RUBCN: variants seen among roughly 807,000 people sequenced by gnomAD.
The protein encoded by RUBCN is run domain Beclin-1-interacting and cysteine-rich domain-containing protein.
In RUBCN, 74 loss-of-function variants were observed where a neutral mutation model predicts 113.2. That is an observed-to-expected ratio of 0.65 (90% CI 0.54 to 0.79). The LOEUF is 0.79. Ranked by LOEUF, RUBCN falls within the 30% of genes least tolerant of loss-of-function variation. The probability of loss-of-function intolerance (pLI) is 0.00; values close to 1 mark genes in which losing one functional copy is unlikely to be tolerated. For missense variants in RUBCN, 1,109 were observed against 1,251.7 expected (o/e 0.89, Z 1.72); for synonymous variants, 480 against 490.0 (o/e 0.98, Z 0.27).
chr3:197,731,754 C>A (rs1324126750), intron 1 of RUBCN, among the ~76,000 whole-genome samples: 1 of 147,874 alleles, frequency 6.8e-6, no homozygotes, highest in African/African-American at 2.5e-5. Context: ...GGGGGGCTGA[C>A]CCCCCCACCT....
At chr3:197,708,317 G>T (rs916008038) in intron 2 of RUBCN, among the ~76,000 whole-genome samples, 16 of 151,896 alleles carry the variant, frequency 1.1e-4, no homozygotes, top group Non-Finnish European at 1.9e-4. Flanking sequence ...TGTATTTTTA[G>T]TAGAGATGGG....
exon 1 of RUBCN, chr3:197,749,434 G>A (rs866323913): frequency 8.1e-7 from 1 of 1,232,192 alleles, no homozygotes; most frequent in Non-Finnish European, 1.0e-6. Flanking sequence ...GTTCAGATGC[G>A]GCAGCTCAGC....
intron 2 of RUBCN, 47 bp from the exon 3 acceptor site, chr3:197,705,222 C>T (rs1238584405): frequency 1.3e-6 from 2 of 1,530,134 alleles, no homozygotes; most frequent in Admixed American, 1.7e-5. Context: ...CATTCTGGAC[C>T]AGATCTAGTT....
chr3:197,701,463 G>A (rs1037021090), intron 6 of RUBCN, among the ~76,000 whole-genome samples: 8 of 152,178 alleles, frequency 5.3e-5, no homozygotes, highest in Non-Finnish European at 1.0e-4. Context: ...AGCTAGTATT[G>A]AAATGCCTTC....
Position 197,681,478 on chromosome 3 carries a change from A to G in RUBCN, c.2192-111T>C, listed in dbSNP as rs1560407379. 1.2e-6 allele frequency: 1 copy of G among 802,688 alleles called. No individual in the cohort carries two copies. Among genetic ancestry groups the G allele is most frequent in the Admixed American group, 1.9e-5 (1 of 51,288 alleles). 49.7% of individuals were successfully genotyped at this position (802,688 alleles called of 1,614,324 possible). ...CAGAGAGGGACAGCCAATGGCCTCCAGCAACCTCTGTCTGAGTTCCCCAAA... is the reference window on the plus strand; with the variant it reads ...CAGAGAGGGACAGCCAATGGCCTCCGGCAACCTCTGTCTGAGTTCCCCAAA... On this transcript the variant is annotated intron_variant, in intron 15 of 19. Transcript: ENST00000296343. This position sits in a 1 kb window ranked among gnomAD's most constrained non-coding sequence, Gnocchi z 5.5.
chr3:197,692,523 A>G (rs1186525649), intron 11 of RUBCN, among the ~76,000 whole-genome samples: 3 of 151,680 alleles, frequency 2.0e-5, no homozygotes, highest in African/African-American at 7.3e-5. Context: ...TGGCATCTGA[A>G]GCGGAATTAA....
chr3:197,733,019 T>G (rs186441388), intron 1 of RUBCN, among the ~76,000 whole-genome samples: 120 of 152,352 alleles, frequency 7.9e-4, no homozygotes, highest in Middle Eastern at 6.8e-3. Flanking sequence ...GCATTATTCT[T>G]CCTACTCAGG....
In RUBCN at chr3:197,696,804, G is replaced by A. The variant is rs377101301; in HGVS notation, c.1357+150C>T. 241 of 621,200 alleles carry A rather than the reference G, an allele frequency of 3.9e-4. 1 individual carries two copies. The highest frequency in any genetic ancestry group is 2.3e-4 in the African/African-American group (11 of 48,246). The allele number at this position is 621,200 out of a possible 1,614,324, so 38.5% of individuals were successfully genotyped here. A position where few individuals can be genotyped will look rare whatever the true frequency, so the allele number is the denominator to read the frequency against. On this transcript the variant is annotated intron_variant, in intron 8 of 19. Coordinates refer to ENST00000296343, the MANE Select transcript of RUBCN (RefSeq NM_014687.4). ...GGCAGAGCAGTGTGATTTCTAGCACGGGGGTTAAAAATGACAAAAGAGTGA... is the reference window on the plus strand; with the variant it reads ...GGCAGAGCAGTGTGATTTCTAGCACAGGGGTTAAAAATGACAAAAGAGTGA...
Position 197,736,705 on chromosome 3 carries a change from G to A in RUBCN, c.15C>T (p.Gly5=), listed in dbSNP as rs778201275. The change falls in exon 1 of 20, where the codon GGC becomes GGT. Residue 5 remains glycine, a synonymous_variant. Coordinates refer to ENST00000296343, the MANE Select transcript of RUBCN (RefSeq NM_014687.4). Reference sequence around the variant, plus strand: ...CGCCGCCTCCGAGCTCCATTCCCGCGCCCTCCGGCCGCATCCGGGGCGGTG... The same window carrying A: ...CGCCGCCTCCGAGCTCCATTCCCGCACCCTCCGGCCGCATCCGGGGCGGTG... MRPE[G]AGMELGGGEE... The A allele has an allele frequency of 3.3e-6, 5 of 1,531,098 alleles. No homozygotes were observed. The South Asian group carries it at 3.6e-5, about 11-fold the overall frequency. The allele number at this position is 1,531,098 out of a possible 1,614,324, so 94.8% of individuals were successfully genotyped here. A position where few individuals can be genotyped will look rare whatever the true frequency, so the allele number is the denominator to read the frequency against.
At chr3:197,746,539 C>T (rs150383805) in intron 1 of RUBCN, among the ~76,000 whole-genome samples, 1 of 152,152 alleles carries the variant, frequency 6.6e-6, no homozygotes, top group Non-Finnish European at 1.5e-5. Flanking sequence ...TTATTTCACA[C>T]AATGAAATGA....
At chr3:197,734,393 G>C (rs1444826166) in intron 1 of RUBCN, among the ~76,000 whole-genome samples, 1 of 149,872 alleles carries the variant, frequency 6.7e-6, no homozygotes, top group Non-Finnish European at 1.5e-5. Flanking sequence ...AACATAGTGA[G>C]ACCCTGTCTA....
At chr3:197,676,079 G>T in intron 18 of RUBCN, 1 of 545,088 alleles carries the variant, frequency 1.8e-6, no homozygotes. Context: ...AGTAGATGAC[G>T]ACAATAACGA....
rs1728190592 is a variant in RUBCN at position 197,736,782 on chromosome 3, C to T, written c.-63G>A. 1.3e-6 allele frequency: 2 copies of T among 1,505,274 alleles called. No individual in the cohort carries two copies. The allele number at this position is 1,505,274 out of a possible 1,614,324, so 93.2% of individuals were successfully genotyped here. A position where few individuals can be genotyped will look rare whatever the true frequency, so the allele number is the denominator to read the frequency against. ...GTCCCTGCCGCTTCGCCCTTCAGGGCTCCCGGGGCCCCCTGGGGCCGGAGG... is the reference window on the plus strand; with the variant it reads ...GTCCCTGCCGCTTCGCCCTTCAGGGTTCCCGGGGCCCCCTGGGGCCGGAGG... On this transcript the variant is annotated 5_prime_UTR_variant, in exon 1 of 20. Coordinates refer to ENST00000296343, the MANE Select transcript of RUBCN (RefSeq NM_014687.4).
In RUBCN at chr3:197,681,728, C is replaced by T; in HGVS notation, c.2191+107G>A. The T allele has an allele frequency of 1.0e-6, 1 of 975,322 alleles. No individual in the cohort carries two copies. The highest frequency in any genetic ancestry group is 1.7e-6 in the Non-Finnish European group (1 of 603,374). 60.4% of individuals were successfully genotyped at this position (975,322 alleles called of 1,614,324 possible). On this transcript the variant is annotated intron_variant, in intron 15 of 19. Transcript: ENST00000296343. The surrounding 1 kb of genome is among the most constrained non-coding windows in gnomAD (Gnocchi z 5.5). The stretch of plus-strand genomic sequence containing the variant: ...AACCTTTCTTTCTCCTTCCCTACTT[C>T]TGCCACGCCACCTCCTGCTACCGCC...
At chr3:197,723,016 CCTTT>C (rs1726340614) in intron 1 of RUBCN, among the ~76,000 whole-genome samples, 1 of 152,028 alleles carries the variant, frequency 6.6e-6, no homozygotes, top group Middle Eastern at 3.4e-3. Flanking sequence ...TTTTACAGTT[CCTTT>C]CTTTCTGTTA....
At chr3:197,727,690 A>T (rs776852700) in intron 1 of RUBCN, among the ~76,000 whole-genome samples, 7 of 152,220 alleles carry the variant, frequency 4.6e-5, no homozygotes, top group Non-Finnish European at 1.0e-4. Context: ...GACTTCCTCA[A>T]ATACTGGATA....
At chr3:197,706,545 G>A (rs1413049966) in intron 2 of RUBCN, among the ~76,000 whole-genome samples, 7 of 151,964 alleles carry the variant, frequency 4.6e-5, no homozygotes, top group Admixed American at 3.3e-4. Context: ...TTAGCCAGGT[G>A]TGGTGGCACA....
intron 2 of RUBCN, among the ~76,000 whole-genome samples, chr3:197,716,583 C>T (rs1392150899): frequency 6.6e-6 from 1 of 152,146 alleles, no homozygotes; most frequent in Non-Finnish European, 1.5e-5. Context: ...AGCTTCCTGG[C>T]TGTGGTTGGC....
intron 2 of RUBCN, among the ~76,000 whole-genome samples, chr3:197,712,672 C>T (rs928340380): frequency 4.6e-5 from 7 of 152,034 alleles, no homozygotes; most frequent in Middle Eastern, 3.2e-3. Flanking sequence ...GACAAATCTG[C>T]CTGATTAGCT....
Sources: allele counts gnomAD v4.1 joint callset (sites outside exome capture counted in the v4.1 genomes callset), GRCh38; gene constraint gnomAD v4.1.1; non-coding constraint Gnocchi (gnomAD v3.1); transcripts MANE v1.5; gene names NCBI Gene and HGNC (gene_info 2026-07-23, HGNC 2026-07-21).